LDHC: variants seen among roughly 807,000 people sequenced by gnomAD.
LDHC encodes the protein lactate dehydrogenase C, also known as L-lactate dehydrogenase C chain.
In LDHC, 20 loss-of-function variants were observed where a neutral mutation model predicts 30.2. The ratio of observed to expected loss-of-function variants is 0.66; its 90% CI spans 0.47 to 0.96. The LOEUF is 0.96. LDHC is among the 40% of genes least tolerant of loss of function. The probability of loss-of-function intolerance (pLI) is 0.00; values close to 1 mark genes in which losing one functional copy is unlikely to be tolerated. For synonymous variants in LDHC, 139 were observed against 132.7 expected, an observed-to-expected ratio of 1.05 and a Z score of -0.32; for missense variants, 362 against 394.9, an observed-to-expected ratio of 0.92 and a Z score of 0.71.
intron 3 of LDHC, among the ~76,000 whole-genome samples, chr11:18,416,898 T>G (rs1001123285): frequency 1.3e-5 from 2 of 152,020 alleles, no homozygotes; most frequent in African/African-American, 2.4e-5. Flanking sequence ...ACTTATTTAT[T>G]TTTGAGACAG....
chr11:18,415,362 A>G, intron 3 of LDHC, 61 bp downstream of exon 3: 3 of 824,818 alleles, frequency 3.6e-6, no homozygotes, highest in Non-Finnish European at 6.0e-6. Flanking sequence ...AAATTTTACC[A>G]AACAGATGTC....
intron 3 of LDHC, among the ~76,000 whole-genome samples, chr11:18,428,897 A>T (rs2643872): frequency 0.15 from 22,838 of 149,862 alleles, 1,978 homozygotes; most frequent in African/African-American, 0.23. Flanking sequence ...AAAAAAGAAG[A>T]CCAGTATGAG....
chr11:18,433,722 T>C (rs1454926312), intron 4 of LDHC, among the ~76,000 whole-genome samples: 1 of 152,210 alleles, frequency 6.6e-6, no homozygotes, highest in Non-Finnish European at 1.5e-5. Context: ...GTCTCACAGC[T>C]CTTAAGATTC....
chr11:18,445,791 C>T (rs897494295), intron 6 of LDHC, among the ~76,000 whole-genome samples: 8 of 151,964 alleles, frequency 5.3e-5, no homozygotes, highest in South Asian at 4.1e-4. Context: ...GGCAACATGG[C>T]GAAACCCTGT....
intron 6 of LDHC, among the ~76,000 whole-genome samples, chr11:18,444,604 G>GTATATATATATATATATA (rs60764598): frequency 2.1e-4 from 19 of 89,370 alleles, no homozygotes; most frequent in Non-Finnish European, 4.0e-4. Flanking sequence ...TGTTCAGGTG[G>GTATATATATATATATATA]TATATATATA....
At chr11:18,413,619 C>T (rs1049679180) in intron 2 of LDHC, among the ~76,000 whole-genome samples, 4 of 151,960 alleles carry the variant, frequency 2.6e-5, no homozygotes, top group Non-Finnish European at 4.4e-5. Context: ...TGTGCCACCA[C>T]GCCCAGCTAA....
chr11:18,440,336 A>G (rs1184388507), intron 6 of LDHC, among the ~76,000 whole-genome samples: 1 of 152,044 alleles, frequency 6.6e-6, no homozygotes, highest in Non-Finnish European at 1.5e-5. Context: ...AAATAAATAA[A>G]TAAAATAAAA....
Position 18,446,279 on chromosome 11 carries a change from A to G in LDHC, c.780A>G (p.Val260=). The G allele has an allele frequency of 1.9e-6, 3 of 1,563,594 alleles. No individual in the cohort carries two copies. Among genetic ancestry groups the G allele is most frequent in the Non-Finnish European group, 2.6e-6 (3 of 1,134,008 alleles). ...WAIGLSVMDL[V]GSILKNLRRV... ...TTGGACTGTCTGTGATGGATTTGGT[A>G]GGATCCATTTTGAAAAATCTTAGGA... Residue 260 remains valine, a synonymous_variant, in exon 7 of 8, where the codon GTA becomes GTG. Coordinates refer to ENST00000541669, the MANE Select transcript of LDHC (RefSeq NM_017448.5).
At chr11:18,429,988 A>G (rs1848236247) in intron 4 of LDHC, 78 bp downstream of exon 4, 4 of 878,122 alleles carry the variant, frequency 4.6e-6, no homozygotes, top group South Asian at 1.9e-5. Context: ...AACTTCATTG[A>G]GTTAACATTT....
chr11:18,443,382 G>A (rs1034552116), intron 6 of LDHC, among the ~76,000 whole-genome samples: 7 of 151,964 alleles, frequency 4.6e-5, no homozygotes, highest in African/African-American at 1.7e-4. Flanking sequence ...CCATAGGGCT[G>A]TCACAGTGTT....
At chr11:18,425,960 A>G (rs959575407) in intron 3 of LDHC, among the ~76,000 whole-genome samples, 2 of 151,954 alleles carry the variant, frequency 1.3e-5, no homozygotes, top group South Asian at 4.1e-4. Context: ...AAGAAAAAAG[A>G]AAAAAGAAAA....
At chr11:18,422,383 C>T (rs1848078398) in intron 3 of LDHC, among the ~76,000 whole-genome samples, 1 of 151,728 alleles carries the variant, frequency 6.6e-6, no homozygotes, top group East Asian at 1.9e-4. Context: ...GGTGAGACCC[C>T]TGTCTCTACT....
intron 5 of LDHC, among the ~76,000 whole-genome samples, chr11:18,436,481 G>GATT (rs762530928): frequency 0.13 from 13,964 of 108,032 alleles, 790 homozygotes; most frequent in Middle Eastern, 0.19. Flanking sequence ...ATAATACAAA[G>GATT]TTTTTTTTTT....
Position 18,429,904 on chromosome 11 carries a change from A to G in LDHC, c.412A>G (p.Asn138Asp), listed in dbSNP as rs779982098. 1 of 1,596,150 alleles carries G rather than the reference A, an allele frequency of 6.3e-7. No homozygotes were observed. The highest frequency in any genetic ancestry group is 1.1e-5 in the South Asian group (1 of 89,992). The change falls in exon 4 of 8, where the codon AAT becomes GAT. Residue 138 changes from asparagine (N) to aspartate (D), a missense_variant. Coordinates refer to ENST00000541669, the MANE Select transcript of LDHC (RefSeq NM_017448.5). ...TGATTGTAAAATTCTTGTTGTTTCAAATCCAGGTGAGTCTTCTCTCTTCCA... is the reference window on the plus strand; with the variant it reads ...TGATTGTAAAATTCTTGTTGTTTCAGATCCAGGTGAGTCTTCTCTCTTCCA... ...SPDCKILVVS[N>D]PVDILTYIVW...
In LDHC at chr11:18,412,708, G is replaced by C. The variant is rs775731847; in HGVS notation, c.-9-1G>C. ...CAATGAAATTGCATTATCCCTATCA[G>C]GTTCTCCAAATGTCAACTGTCAAGG... On this transcript the variant is annotated splice_acceptor_variant, in intron 1 of 7. Coordinates refer to ENST00000541669, the MANE Select transcript of LDHC (RefSeq NM_017448.5). LOFTEE classifies it low-confidence loss of function (5UTR_SPLICE). 6.2e-7 allele frequency: 1 copy of C among 1,612,910 alleles called. No individual in the cohort carries two copies. The highest frequency in any genetic ancestry group is 8.5e-7 in the Non-Finnish European group (1 of 1,179,252).
At position 18,429,759 on chromosome 11, in the gene LDHC, C is replaced by A. The variant is rs777797602; in HGVS notation, c.267C>A (p.Ser89=). Reference sequence around the variant, plus strand: ...TAGATTACAGTGTATCTGCAAACTCCAGAATAGTTATTGTCACAGCAGGTG... The same window carrying A: ...TAGATTACAGTGTATCTGCAAACTCAAGAATAGTTATTGTCACAGCAGGTG... ...SGKDYSVSAN[S]RIVIVTAGAR... is the part of the protein sequence containing the mutation. Residue 89 remains serine (S), a synonymous_variant, in exon 4 of 8, where the codon TCC becomes TCA. Transcript: ENST00000541669. The A allele has an allele frequency of 6.2e-7, 1 of 1,608,506 alleles. No individual in the cohort carries two copies. The highest frequency in any genetic ancestry group is 8.5e-7 in the Non-Finnish European group (1 of 1,176,256).
chr11:18,424,419 C>T lies in LDHC; in HGVS notation c.245-5318C>T, dbSNP rs568899660. On this transcript the variant is annotated intron_variant, in intron 3 of 7. Transcript: ENST00000541669. ...AAAAACCCCACGAGTTTGTCATTAC[C>T]TGGTGAAGTTGAACATGAACATATC... is the stretch of plus-strand genomic sequence containing the variant. Among the ~76,000 whole-genome samples, 3 of 152,092 alleles carry T rather than the reference C, an allele frequency of 2.0e-5. No homozygotes were observed. The South Asian group carries it at 6.2e-4, about 32-fold the overall frequency.
In LDHC at chr11:18,435,034, C is replaced by G. The variant is rs936499703; in HGVS notation, c.592+121C>G. On this transcript the variant is annotated intron_variant, in intron 5 of 7. Transcript: ENST00000541669. ...TATAAGTTTAATTTTTTTGGTATTT[C>G]CCTGGTGTAACTTTTACTATTCCTT... is the stretch of plus-strand genomic sequence containing the variant. 5.1e-6 allele frequency: 3 copies of G among 584,608 alleles called. No homozygotes were observed. The African/African-American group carries it at 5.7e-5, about 11-fold the overall frequency. The allele number at this position is 584,608 out of a possible 1,614,324, so 36.2% of individuals were successfully genotyped here. A position where few individuals can be genotyped will look rare whatever the true frequency, so the allele number is the denominator to read the frequency against.
At chr11:18,413,356 T>A in intron 2 of LDHC, among the ~76,000 whole-genome samples, 1 of 152,112 alleles carries the variant, frequency 6.6e-6, no homozygotes, top group East Asian at 1.9e-4. Flanking sequence ...GTACTGGGAT[T>A]ACAGGCATGA....
Sources: gnomAD v4.1 joint callset for allele counts (sites outside exome capture counted in the v4.1 genomes callset) on GRCh38, gnomAD v4.1.1 for gene constraint, MANE v1.5 for transcripts, NCBI Gene and HGNC (gene_info 2026-07-23, HGNC 2026-07-21) for gene names.